SLC39A11: variants seen among roughly 807,000 people sequenced by gnomAD.
SLC39A11 encodes zinc transporter ZIP11.
Under a neutral mutation model 36.1 loss-of-function variants are expected in SLC39A11, and 33 were observed. The observed-to-expected ratio is 0.91, with a 90% CI of 0.69 to 1.22. SLC39A11 has a LOEUF of 1.22. SLC39A11 is among the 50% of genes most tolerant of loss of function. The pLI, the probability that SLC39A11 is intolerant of heterozygous loss-of-function variation, is 0.00. For synonymous variants in SLC39A11, 166 were observed against 170.3 expected (o/e 0.97, Z 0.20); for missense variants, 432 against 430.3 (o/e 1.00, Z -0.03).
chr17:72,944,071 T>C (rs750701397), intron 5 of SLC39A11, among the ~76,000 whole-genome samples: 7 of 152,124 alleles, frequency 4.6e-5, no homozygotes, highest in Non-Finnish European at 8.8e-5. Context: ...CGTCACCTCA[T>C]TGCAAGATCC....
At chr17:72,912,909 A>G (rs954227114) in intron 5 of SLC39A11, among the ~76,000 whole-genome samples, 4 of 152,126 alleles carry the variant, frequency 2.6e-5, no homozygotes, top group Non-Finnish European at 4.4e-5. Context: ...TCGGCTCAAG[A>G]GTGCTGACTC....
At chr17:72,771,354 T>TAA (rs4036979) in intron 6 of SLC39A11, among the ~76,000 whole-genome samples, 66 of 142,936 alleles carry the variant, frequency 4.6e-4, no homozygotes, top group Admixed American at 2.3e-3. Context: ...AGACCCTATC[T>TAA]AAAAAAAAAA....
At chr17:72,893,104 C>T (rs1303982200) in intron 5 of SLC39A11, among the ~76,000 whole-genome samples, 3 of 152,116 alleles carry the variant, frequency 2.0e-5, no homozygotes, top group Non-Finnish European at 4.4e-5. Context: ...TACCCACTAC[C>T]AACTTCCCTC....
chr17:73,001,912 T>C (rs1321196921), intron 4 of SLC39A11, among the ~76,000 whole-genome samples: 2 of 152,132 alleles, frequency 1.3e-5, no homozygotes, highest in Admixed American at 1.3e-4. Flanking sequence ...TTTCTGAGCA[T>C]AGTGGGTGGG....
At chr17:73,051,103 G>T (rs986018508) in intron 3 of SLC39A11, among the ~76,000 whole-genome samples, 1 of 152,030 alleles carries the variant, frequency 6.6e-6, no homozygotes, top group Non-Finnish European at 1.5e-5. Flanking sequence ...GTGTCAGCTG[G>T]GCCACGCTCC....
At chr17:72,843,906 C>A (rs1023979239) in intron 6 of SLC39A11, among the ~76,000 whole-genome samples, 2 of 152,086 alleles carry the variant, frequency 1.3e-5, no homozygotes, top group Admixed American at 1.3e-4. Context: ...ACTCTGGATA[C>A]CTCCGGGAGA....
intron 5 of SLC39A11, among the ~76,000 whole-genome samples, chr17:72,932,402 T>C (rs1746745161): frequency 6.6e-6 from 1 of 152,000 alleles, no homozygotes. Flanking sequence ...CATCAACCCG[T>C]CACCTACATT....
At chr17:73,006,097 G>A (rs1217375245) in intron 4 of SLC39A11, among the ~76,000 whole-genome samples, 2 of 151,994 alleles carry the variant, frequency 1.3e-5, no homozygotes, top group Non-Finnish European at 2.9e-5. Context: ...GACATGTCCC[G>A]TACAGAAAAA....
At chr17:73,081,705 ATATATACACATATATGTATATATGTATG>A (rs2060532398) in intron 3 of SLC39A11, among the ~76,000 whole-genome samples, 1 of 145,558 alleles carries the variant, frequency 6.9e-6, no homozygotes, top group African/African-American at 2.6e-5. Context: ...ATGTATGTAT[ATATATACACATATATGTATATATGTATG>A]TATATATATA....
chr17:72,871,859 G>A (rs1413299534), intron 5 of SLC39A11, among the ~76,000 whole-genome samples: 1 of 152,204 alleles, frequency 6.6e-6, no homozygotes, highest in Non-Finnish European at 1.5e-5. Flanking sequence ...ATGGGTGAGA[G>A]CCTGGATCTG....
chr17:72,870,593 C>T (rs549322534), intron 5 of SLC39A11, among the ~76,000 whole-genome samples: 1 of 152,236 alleles, frequency 6.6e-6, no homozygotes, highest in Non-Finnish European at 1.5e-5. Flanking sequence ...TCTCATACAG[C>T]CCCAGATGCT....
intron 4 of SLC39A11, among the ~76,000 whole-genome samples, chr17:72,991,791 A>G (rs761669597): frequency 5.3e-5 from 8 of 152,254 alleles, no homozygotes; most frequent in Non-Finnish European, 7.3e-5. Flanking sequence ...AAATGCTGCA[A>G]TGAACATTCT....
intron 6 of SLC39A11, among the ~76,000 whole-genome samples, chr17:72,762,384 G>A (rs1021440265): frequency 5.9e-5 from 9 of 152,162 alleles, no homozygotes; most frequent in African/African-American, 1.7e-4. Flanking sequence ...ATAGCACCAT[G>A]ACAGTTTACA....
intron 7 of SLC39A11, among the ~76,000 whole-genome samples, chr17:72,663,217 G>T (rs2070556178): frequency 6.6e-6 from 1 of 152,196 alleles, no homozygotes; most frequent in Admixed American, 6.5e-5. Context: ...TAACATATTT[G>T]AAATTTTACA....
At chr17:73,060,210 C>CAAAAAA (rs33931672) in intron 3 of SLC39A11, among the ~76,000 whole-genome samples, 21 of 70,260 alleles carry the variant, frequency 3.0e-4, no homozygotes, top group South Asian at 5.6e-4. Flanking sequence ...AACTCCATCT[C>CAAAAAA]AAAAAAAAAA....
At chr17:72,995,972 A>G (rs539938917) in intron 4 of SLC39A11, among the ~76,000 whole-genome samples, 1 of 151,892 alleles carries the variant, frequency 6.6e-6, no homozygotes, top group East Asian at 1.9e-4. Flanking sequence ...ATCTACCCCT[A>G]ATTGTCTTCC....
intron 6 of SLC39A11, among the ~76,000 whole-genome samples, chr17:72,822,267 G>T (rs2077816632): frequency 6.8e-6 from 1 of 146,764 alleles, no homozygotes; most frequent in South Asian, 2.1e-4. Context: ...TAGAGAGAGA[G>T]AATATATATA....
At chr17:72,859,005 T>G (rs572419294) in intron 5 of SLC39A11, among the ~76,000 whole-genome samples, 4 of 152,242 alleles carry the variant, frequency 2.6e-5, no homozygotes, top group South Asian at 2.1e-4. Context: ...CTTGACTGAT[T>G]GCTTAGGCCA....
chr17:73,084,936 C>A (rs902755898), intron 2 of SLC39A11, 90 bp from the exon 3 acceptor site: 1 of 1,410,892 alleles, frequency 7.1e-7, no homozygotes, highest in African/African-American at 1.4e-5. Context: ...CCAAAAGAGC[C>A]ACGCAAATAA....
Sources: allele counts gnomAD v4.1 joint callset (sites outside exome capture counted in the v4.1 genomes callset), GRCh38; gene constraint gnomAD v4.1.1; transcripts MANE v1.5; gene names NCBI Gene and HGNC (gene_info 2026-07-23, HGNC 2026-07-21).